CDCP1: variants seen among roughly 807,000 people sequenced by gnomAD.
CDCP1 encodes the protein CUB domain-containing protein 1.
In CDCP1, 29 loss-of-function variants were observed where a neutral mutation model predicts 60.2. The observed-to-expected ratio is 0.48, with a 90% confidence interval of 0.36 to 0.66. The LOEUF (loss-of-function observed/expected upper bound fraction) is 0.66, where lower values mean the gene tolerates loss of function less well. Ranked by LOEUF, CDCP1 falls within the 30% of genes least tolerant of loss-of-function variation. The pLI is 0.00. For missense variants in CDCP1, 876 were observed against 1,074.3 expected (o/e 0.82, Z 2.58); for synonymous variants, 387 against 431.1 (o/e 0.90, Z 1.27).
chr3:45,111,045 C>T (rs1040270059), intron 3 of CDCP1, among the ~76,000 whole-genome samples: 3 of 152,108 alleles, frequency 2.0e-5, no homozygotes, highest in Admixed American at 6.5e-5. Flanking sequence ...TATTAAAAAC[C>T]GGTCCAGTGG....
intron 8 of CDCP1, among the ~76,000 whole-genome samples, chr3:45,088,425 G>A (rs943554927): frequency 1.3e-5 from 2 of 152,210 alleles, no homozygotes; most frequent in African/African-American, 4.8e-5. Context: ...GGCGGAGGCT[G>A]CAGTGAACCG....
In CDCP1 at chr3:45,108,032, C is replaced by T. The variant is rs145179900; in HGVS notation, c.1024+2441G>A. On this transcript the variant is annotated intron_variant, in intron 4 of 8. Transcript: ENST00000296129. ...ACTCAAGAAGCTGAGGCAGGAGAAT[C>T]GCTTGAACCTGGGAGGTGGAGGTTA... Among the ~76,000 whole-genome samples, 935 of 151,918 alleles carry T rather than the reference C, an allele frequency of 6.2e-3. 10 individuals are homozygous for T. The highest frequency in any genetic ancestry group is 0.01 in the Middle Eastern group (3 of 294).
At chr3:45,132,614 C>T (rs1275949875) in intron 1 of CDCP1, among the ~76,000 whole-genome samples, 1 of 152,186 alleles carries the variant, frequency 6.6e-6, no homozygotes, top group Non-Finnish European at 1.5e-5. Context: ...TCACTTCAGT[C>T]ACTTGGCTGG....
In CDCP1 at chr3:45,123,820, C is replaced by A. The variant is rs79293633; in HGVS notation, c.83-5199G>T. The stretch of plus-strand genomic sequence containing the variant: ...TCATTGGTCTAATATTTCAGAAAAT[C>A]ATTACCCAGGTTCAGAGAAACTTAG... On this transcript the variant is annotated intron_variant, in intron 1 of 8. Transcript: ENST00000296129. Among the ~76,000 whole-genome samples the A allele has an allele frequency of 6.8e-3, 1,038 of 152,322 alleles. 23 individuals carry two copies. In the East Asian group the frequency reaches 0.095, roughly 14 times the overall value.
chr3:45,093,625 A>T lies in CDCP1; in HGVS notation c.1279T>A (p.Ser427Thr), dbSNP rs1367361848. Residue 427 changes from serine (S) to threonine (T), a missense_variant, in exon 6 of 9, where the codon TCC becomes ACC. Physicochemically the swap from Ser to Thr is moderately conservative, Grantham distance 58 (BLOSUM62 1). This residue lies in a region of CDCP1 where 726 missense variants were observed against 935.7 expected (regional missense o/e 0.78). Transcript: ENST00000296129. ...TCACTGGGCACCTGGAGTGAGTAGG[A>T]TTTCCTTTGGCAGTACCGGTGGTCT... ...CTDHRYCQRK[S>T]YSLQVPSDIL... The T allele has an allele frequency of 6.2e-7, 1 of 1,613,834 alleles. No homozygotes were observed. Among genetic ancestry groups the T allele is most frequent in the Non-Finnish European group, 8.5e-7 (1 of 1,179,862 alleles).
At position 45,093,446 on chromosome 3, in the gene CDCP1, A is replaced by C. The variant is rs1698337175; in HGVS notation, c.1458T>G (p.Ser486Arg). ...CNTSFSYLVA[S>R]AIPSQDLYFG... Reference sequence around the variant, plus strand: ...AGTACAGGTCCTGGCTGGGTATGGCACTGGCCACGAGGTAGCTGAAGCTGG... The same window carrying C: ...AGTACAGGTCCTGGCTGGGTATGGCCCTGGCCACGAGGTAGCTGAAGCTGG... Residue 486 changes from serine (S) to arginine (R), a missense_variant, in exon 6 of 9, where the codon AGT becomes AGG. Transcript: ENST00000296129. 1.2e-6 allele frequency: 2 copies of C among 1,613,972 alleles called. No homozygotes were observed. Among genetic ancestry groups the C allele is most frequent in the African/African-American group, 2.7e-5 (2 of 74,918 alleles).
intron 1 of CDCP1, among the ~76,000 whole-genome samples, chr3:45,126,250 CT>C (rs1228535067): frequency 1.1e-4 from 15 of 134,864 alleles, no homozygotes; most frequent in African/African-American, 4.5e-4. Context: ...TTCCTTCCTT[CT>C]TCTCTCTCTC....
intron 4 of CDCP1, 121 bp downstream of exon 4, chr3:45,110,352 G>C (rs905848449): frequency 6.8e-7 from 1 of 1,467,490 alleles, no homozygotes; most frequent in African/African-American, 1.4e-5. Flanking sequence ...GCTGGGTCCA[G>C]AGTCTAAGTG....
chr3:45,116,738 C>A (rs1698796955), intron 2 of CDCP1, among the ~76,000 whole-genome samples: 1 of 152,160 alleles, frequency 6.6e-6, no homozygotes, highest in Non-Finnish European at 1.5e-5. Flanking sequence ...CTCTAACTAA[C>A]CCAAACTGTT....
rs976286070 is a variant in CDCP1 at position 45,089,246 on chromosome 3, G to C, written c.1994-105C>G. On this transcript the variant is annotated intron_variant, in intron 7 of 8. Coordinates refer to ENST00000296129, the MANE Select transcript of CDCP1 (RefSeq NM_022842.5). ...CAGCTGCCATCTCTCCAAAGGTGGA[G>C]CGCCATACATGTGGCTCCTTGTGTG... The C allele has an allele frequency of 4.7e-5, 40 of 844,930 alleles. No individual in the cohort carries two copies. The Middle Eastern group carries it at 1.4e-3, about 29-fold the overall frequency. 52.3% of individuals were successfully genotyped at this position (844,930 alleles called of 1,614,324 possible).
chr3:45,095,755 A>G (rs1490664694), intron 4 of CDCP1, among the ~76,000 whole-genome samples, 187 bp from the exon 5 acceptor site: 1 of 152,246 alleles, frequency 6.6e-6, no homozygotes, highest in Non-Finnish European at 1.5e-5. Context: ...AAAGAAAAAT[A>G]ATGGACTTCA....
At chr3:45,099,099 G>T (rs1698449225) in intron 4 of CDCP1, among the ~76,000 whole-genome samples, 1 of 150,158 alleles carries the variant, frequency 6.7e-6, no homozygotes, top group African/African-American at 2.4e-5. Flanking sequence ...TAGATCCTGG[G>T]CTTCCTGGAT....
In CDCP1 at chr3:45,091,800, T is replaced by A. The variant is rs1698300726; in HGVS notation, c.1628-262A>T. On this transcript the variant is annotated intron_variant, in intron 6 of 8. Transcript: ENST00000296129. This position sits in a 1 kb window ranked among gnomAD's most constrained non-coding sequence, Gnocchi z 4.8. ...CATGTTAATTTATTATTATTAGTTA[T>A]TTTTGAGAGGGAGTCTCACTCTGTT... 6.6e-6 allele frequency among the ~76,000 whole-genome samples: 1 copy of A among 152,202 alleles called. No individual in the cohort carries two copies. Among genetic ancestry groups the A allele is most frequent in the African/African-American group, 2.4e-5 (1 of 41,446 alleles).
intron 1 of CDCP1, among the ~76,000 whole-genome samples, chr3:45,145,709 C>T (rs1031739389): frequency 5.3e-5 from 8 of 152,154 alleles, no homozygotes; most frequent in East Asian, 1.9e-4. Flanking sequence ...GAAATGCGGA[C>T]GTGAAAGCAC....
intron 1 of CDCP1, among the ~76,000 whole-genome samples, chr3:45,144,303 T>C (rs1430996113): frequency 7.9e-5 from 12 of 152,168 alleles, no homozygotes; most frequent in Non-Finnish European, 1.8e-4. Context: ...TCTGTATCCT[T>C]TCAGGACAGT....
At chr3:45,129,387 A>C (rs368948749) in intron 1 of CDCP1, among the ~76,000 whole-genome samples, 2 of 152,352 alleles carry the variant, frequency 1.3e-5, no homozygotes, top group East Asian at 1.9e-4. Context: ...CCACAGAGGT[A>C]AGAAAGCTGC....
At chr3:45,130,038 C>A (rs754658360) in intron 1 of CDCP1, among the ~76,000 whole-genome samples, 21 of 151,922 alleles carry the variant, frequency 1.4e-4, no homozygotes, top group African/African-American at 5.1e-4. Flanking sequence ...AAGACACACA[C>A]ACACACACAA....
At chr3:45,108,852 CAT>C in intron 4 of CDCP1, among the ~76,000 whole-genome samples, 1 of 42,124 alleles carries the variant, frequency 2.4e-5, no homozygotes, top group East Asian at 5.5e-4. Flanking sequence ...TGCATGTATA[CAT>C]ATATATGCAT....
intron 1 of CDCP1, among the ~76,000 whole-genome samples, chr3:45,141,941 C>T (rs1408376796): frequency 6.6e-6 from 1 of 152,110 alleles, no homozygotes; most frequent in Non-Finnish European, 1.5e-5. Flanking sequence ...AAGCGATTCT[C>T]AAGCCTCAGC....
Sources: gnomAD v4.1 joint callset for allele counts (sites outside exome capture counted in the v4.1 genomes callset) on GRCh38, gnomAD v4.1.1 for gene constraint, gnomAD v4.1.1 regional missense constraint, Gnocchi (gnomAD v3.1) non-coding constraint, MANE v1.5 for transcripts, NCBI Gene and HGNC (gene_info 2026-07-23, HGNC 2026-07-21) for gene names.